The following EDNRB variants were observed in gnomAD, a reference collection of about 807,000 sequenced individuals.
The protein encoded by EDNRB is Hirschsprung disease 2.
In EDNRB, 18 loss-of-function variants were observed where a neutral mutation model predicts 46.4. The observed-to-expected ratio is 0.39, with a 90% confidence interval of 0.27 to 0.57. The LOEUF is 0.57. Ranked by LOEUF, EDNRB falls within the 20% of genes least tolerant of loss-of-function variation. EDNRB has a pLI of 0.61. For synonymous variants in EDNRB, 213 were observed against 204.9 expected (o/e 1.04, Z -0.34); for missense variants, 434 against 537.5 (o/e 0.81, Z 1.90).
chr13:77,918,868 G>A, upstream of EDNRB: 1 of 1,265,624 alleles, frequency 7.9e-7, no homozygotes, highest in Non-Finnish European at 9.9e-7. This position sits in a 1 kb window ranked among gnomAD's most constrained non-coding sequence, Gnocchi z 4.5. Context: ...AATATGCAGT[G>A]GGGCGGGGCG....
intron 1 of EDNRB, among the ~76,000 whole-genome samples, chr13:77,968,870 C>T (rs1881650365): frequency 6.6e-6 from 1 of 152,236 alleles, no homozygotes; most frequent in South Asian, 2.1e-4. Flanking sequence ...GAAATAACAT[C>T]AATTTTTTTC....
intron 1 of EDNRB, among the ~76,000 whole-genome samples, chr13:77,930,711 A>G (rs935774009): frequency 6.6e-6 from 1 of 152,202 alleles, no homozygotes; most frequent in Non-Finnish European, 1.5e-5. Context: ...ACAACAAGCT[A>G]TTTGTAAAGC....
upstream of EDNRB, among the ~76,000 whole-genome samples, chr13:77,922,180 C>T (rs998096901): frequency 1.1e-4 from 16 of 150,708 alleles, no homozygotes; most frequent in African/African-American, 2.2e-4. Flanking sequence ...TTATTTTAAA[C>T]GTTTATGAAG....
At chr13:77,901,330 T>C in intron 3 of EDNRB, 123 bp from the exon 4 acceptor site, 2 of 1,038,614 alleles carry the variant, frequency 1.9e-6, no homozygotes, top group Admixed American at 2.1e-5. Context: ...CCAGTTTGTA[T>C]ATATCATACA....
chr13:77,909,971 C>T (rs763473991), intron 1 of EDNRB, among the ~76,000 whole-genome samples: 9 of 151,978 alleles, frequency 5.9e-5, no homozygotes, highest in South Asian at 4.1e-4. Flanking sequence ...CCATGCAGGG[C>T]GGAAAAGGTA....
At chr13:77,972,546 C>T (rs558255792) in intron 1 of EDNRB, among the ~76,000 whole-genome samples, 1 of 152,260 alleles carries the variant, frequency 6.6e-6, no homozygotes, top group South Asian at 2.1e-4. Flanking sequence ...TCCTGGTTGG[C>T]ACTGGGGTCT....
intron 1 of EDNRB, among the ~76,000 whole-genome samples, chr13:77,962,284 G>T (rs1421345110): frequency 6.6e-6 from 1 of 152,056 alleles, no homozygotes; most frequent in Non-Finnish European, 1.5e-5. Context: ...ATTTTATAAG[G>T]CCAGCATCAT....
chr13:77,929,517 T>G (rs989640868), intron 1 of EDNRB, among the ~76,000 whole-genome samples: 3 of 152,200 alleles, frequency 2.0e-5, no homozygotes, highest in Admixed American at 2.0e-4. Context: ...CCATTAAGAT[T>G]TGGGGACTAA....
upstream of EDNRB, chr13:77,919,654 G>T: frequency 6.5e-7 from 1 of 1,546,458 alleles, no homozygotes; most frequent in Non-Finnish European, 8.8e-7. Flanking sequence ...CTCCTCCCGC[G>T]CCTTCCGACC....
At chr13:77,900,815 C>T (rs761061467) in intron 4 of EDNRB, among the ~76,000 whole-genome samples, 161 bp from the exon 5 acceptor site, 7 of 151,784 alleles carry the variant, frequency 4.6e-5, no homozygotes, top group East Asian at 1.9e-4. Flanking sequence ...GAAGTGGAAC[C>T]GAAGTGACTA....
Position 77,912,267 on chromosome 13 carries a change from G to A in EDNRB, c.483+5824C>T, listed in dbSNP as rs187571365. On this transcript the variant is annotated intron_variant, in intron 1 of 6. Transcript: ENST00000646607. ...GACATTTGTAGAGGCTTGGATTTAC[G>A]GAGTGACCAAGTGGCAGATCAAAGG... is the stretch of plus-strand genomic sequence containing the variant. 2.4e-4 allele frequency among the ~76,000 whole-genome samples: 37 copies of A among 152,084 alleles called. 1 individual carries two copies. The East Asian group carries it at 6.2e-3, about 25-fold the overall frequency.
At chr13:77,907,308 A>C (rs2137619996) in intron 1 of EDNRB, among the ~76,000 whole-genome samples, 1 of 152,100 alleles carries the variant, frequency 6.6e-6, no homozygotes, top group South Asian at 2.1e-4. Context: ...CAGAGGCAGA[A>C]GGAATTTGCC....
chr13:77,970,201 T>TA (rs925478010), intron 1 of EDNRB, among the ~76,000 whole-genome samples: 1 of 152,186 alleles, frequency 6.6e-6, no homozygotes, highest in Non-Finnish European at 1.5e-5. Flanking sequence ...ATTTTCAACT[T>TA]AGAGAGCTTA....
intron 1 of EDNRB, among the ~76,000 whole-genome samples, chr13:77,949,144 A>T (rs554432458): frequency 6.6e-6 from 1 of 152,358 alleles, no homozygotes; most frequent in Non-Finnish European, 1.5e-5. Flanking sequence ...ATGATATTAC[A>T]GAATATGCAG....
At chr13:77,916,550 C>T (rs1440563432) in intron 1 of EDNRB, among the ~76,000 whole-genome samples, 1 of 152,160 alleles carries the variant, frequency 6.6e-6, no homozygotes, top group African/African-American at 2.4e-5. Flanking sequence ...ATATCCTAAT[C>T]CACTCTCACC....
rs1180754500 is a variant in EDNRB at position 77,942,274 on chromosome 13, C to CA, written c.-51-23651dup. Among the ~76,000 whole-genome samples the CA allele has an allele frequency of 3.9e-5, 6 of 152,254 alleles. No individual in the cohort carries two copies. The South Asian group carries it at 1.2e-3, about 32-fold the overall frequency. ...AAAAAACTTGAAAAATAATATCTTACATTTATAAAGTGTTTACAAACAAGC... is the reference window on the plus strand; with the variant it reads ...AAAAAACTTGAAAAATAATATCTTACAATTTATAAAGTGTTTACAAACAAGC... On this transcript the variant is annotated intron_variant, in intron 1 of 7. Transcript: ENST00000646948.
intron 6 of EDNRB, 34 bp from the exon 7 acceptor site, chr13:77,898,368 C>A: frequency 6.2e-7 from 1 of 1,609,844 alleles, no homozygotes; most frequent in East Asian, 2.2e-5. Context: ...TATATGTTAA[C>A]ATCAGTCACC....
At chr13:77,919,455 CG>C (rs1566318501), upstream of EDNRB, 3 of 1,612,524 alleles carry the variant, frequency 1.9e-6, no homozygotes, top group Admixed American at 3.3e-5. Flanking sequence ...TCCCGGGAGG[CG>C]GAACCCAGCT....
At chr13:77,916,919 T>C (rs1353359659) in intron 1 of EDNRB, among the ~76,000 whole-genome samples, 1 of 151,924 alleles carries the variant, frequency 6.6e-6, no homozygotes, top group Non-Finnish European at 1.5e-5. Context: ...GACTGCTTTT[T>C]TTTTTTTAAC....
Sources: allele counts gnomAD v4.1 joint callset (sites outside exome capture counted in the v4.1 genomes callset), GRCh38; gene constraint gnomAD v4.1.1; non-coding constraint Gnocchi (gnomAD v3.1); transcripts MANE v1.5; gene names NCBI Gene and HGNC (gene_info 2026-07-23, HGNC 2026-07-21).